Variants in RHEX observed in about 807,000 individuals in gnomAD.
RHEX encodes regulator of hemoglobinization and erythroid cell expansion protein.
In RHEX, 18 loss-of-function variants were observed where a neutral mutation model predicts 20.1. That is an observed-to-expected ratio of 0.90 (90% CI 0.62 to 1.33). The LOEUF (loss-of-function observed/expected upper bound fraction) is 1.33. Among genes scored for constraint, RHEX ranks in the 40% most tolerant of loss-of-function variants. The probability of loss-of-function intolerance (pLI) is 0.00; values close to 1 mark genes in which losing one functional copy is unlikely to be tolerated. For missense variants in RHEX, 192 were observed against 214.3 expected (o/e 0.90, Z 0.65); for synonymous variants, 87 against 77.1 (o/e 1.13, Z -0.67).
At chr1:206,093,330 G>A (rs1662996966) in intron 1 of RHEX, among the ~76,000 whole-genome samples, 1 of 150,598 alleles carries the variant, frequency 6.6e-6, no homozygotes, top group Non-Finnish European at 1.5e-5. Context: ...GGAGTACAGT[G>A]GCGTGATCTC....
intron 1 of RHEX, among the ~76,000 whole-genome samples, chr1:206,075,439 G>A (rs1387574864): frequency 1.3e-5 from 2 of 152,150 alleles, no homozygotes; most frequent in African/African-American, 2.4e-5. Context: ...GAAAATTGAA[G>A]ACAACTGTGA....
chr1:206,095,410 A>C (rs1387743170), intron 1 of RHEX, among the ~76,000 whole-genome samples: 1 of 152,204 alleles, frequency 6.6e-6, no homozygotes, highest in Non-Finnish European at 1.5e-5. Flanking sequence ...AATCTGTATG[A>C]TTCCATGTTT....
At chr1:206,076,177 C>G (rs1553285211) in intron 1 of RHEX, among the ~76,000 whole-genome samples, 1 of 150,368 alleles carries the variant, frequency 6.7e-6, no homozygotes, top group African/African-American at 2.5e-5. Flanking sequence ...TTTAATGAGA[C>G]AGGGTTTTGC....
chr1:206,101,503 T>C (rs1663185701), intron 5 of RHEX, among the ~76,000 whole-genome samples: 1 of 152,174 alleles, frequency 6.6e-6, no homozygotes, highest in East Asian at 1.9e-4. Flanking sequence ...CTCCCTTGAA[T>C]TGAGTCTCAG....
chr1:206,071,941 A>G (rs1662544685), intron 1 of RHEX, among the ~76,000 whole-genome samples: 1 of 152,162 alleles, frequency 6.6e-6, no homozygotes, highest in Non-Finnish European at 1.5e-5. Flanking sequence ...ATTATTTCCC[A>G]TTGGTCAGTT....
chr1:206,085,478 T>C (rs1662821122), intron 1 of RHEX, among the ~76,000 whole-genome samples: 1 of 152,260 alleles, frequency 6.6e-6, no homozygotes, highest in Admixed American at 6.5e-5. Flanking sequence ...CCATGAATAC[T>C]GCTTGAGTAG....
At chr1:206,057,304 G>A (rs1057414511) in intron 1 of RHEX, among the ~76,000 whole-genome samples, 29 of 152,364 alleles carry the variant, frequency 1.9e-4, no homozygotes, top group Middle Eastern at 3.4e-3. Flanking sequence ...CTATAGACCC[G>A]GTTCCTGATG....
In RHEX at chr1:206,057,848, C is replaced by A. The variant is rs35901442; in HGVS notation, c.-97+4583C>A. Among the ~76,000 whole-genome samples, 141 of 152,362 alleles carry A rather than the reference C, an allele frequency of 9.3e-4. No homozygotes were observed. In the East Asian group the frequency reaches 9.8e-3, roughly 11 times the overall value. On this transcript the variant is annotated intron_variant, in intron 1 of 5. Coordinates refer to ENST00000331555, the MANE Select transcript of RHEX (RefSeq NM_001007544.4). ...CAAGATGTCTCATGGGGATATGGAACCCCCATCTACATGCTCAACCGAATC... is the reference window on the plus strand; with the variant it reads ...CAAGATGTCTCATGGGGATATGGAAACCCCATCTACATGCTCAACCGAATC...
chr1:206,101,700 C>G, intron 5 of RHEX, 52 bp from the exon 6 acceptor site: 1 of 1,391,112 alleles, frequency 7.2e-7, no homozygotes, highest in Non-Finnish European at 1.0e-6. Flanking sequence ...GGTCTTATTT[C>G]CCCCAAACGT....
intron 1 of RHEX, among the ~76,000 whole-genome samples, chr1:206,094,817 G>A (rs1553287484): frequency 2.0e-5 from 3 of 152,142 alleles, no homozygotes; most frequent in Non-Finnish European, 2.9e-5. Flanking sequence ...CAAAGTGTAC[G>A]CTCTGAGTAT....
chr1:206,082,149 A>G (rs148817165), intron 1 of RHEX, among the ~76,000 whole-genome samples: 1 of 152,310 alleles, frequency 6.6e-6, no homozygotes, highest in African/African-American at 2.4e-5. Flanking sequence ...GAGCTGTGAT[A>G]CATCAACGGG....
chr1:206,064,437 T>G (rs1270646399), intron 1 of RHEX, among the ~76,000 whole-genome samples: 33 of 40,252 alleles, frequency 8.2e-4, no homozygotes, highest in Admixed American at 1.8e-3. Context: ...GGGAGGGAGG[T>G]GGGGGGGTCA....
At chr1:206,093,362 C>G (rs888072016) in intron 1 of RHEX, among the ~76,000 whole-genome samples, 1 of 151,774 alleles carries the variant, frequency 6.6e-6, no homozygotes, top group Non-Finnish European at 1.5e-5. Context: ...ACCTCCGCTT[C>G]CTGGGTTCAA....
chr1:206,088,473 A>G (rs140091231), intron 1 of RHEX, among the ~76,000 whole-genome samples: 2,185 of 152,304 alleles, frequency 0.014, 58 homozygotes, highest in Admixed American at 0.071. Flanking sequence ...ACTTGAGGCC[A>G]GGAGTTCGAG....
chr1:206,056,113 C>G (rs914320969), intron 1 of RHEX, among the ~76,000 whole-genome samples: 9 of 152,266 alleles, frequency 5.9e-5, no homozygotes, highest in Non-Finnish European at 1.3e-4. Context: ...CACCTAAACC[C>G]CGCCACCTTC....
At chr1:206,070,889 G>C (rs1228930859) in intron 1 of RHEX, among the ~76,000 whole-genome samples, 1 of 152,030 alleles carries the variant, frequency 6.6e-6, no homozygotes, top group Non-Finnish European at 1.5e-5. Context: ...ATAAGTCCAG[G>C]CTTTCTCACC....
chr1:206,096,016 G>A (rs1663059547), intron 1 of RHEX, among the ~76,000 whole-genome samples: 1 of 152,072 alleles, frequency 6.6e-6, no homozygotes, highest in South Asian at 2.1e-4. Context: ...TGTTTTTAGA[G>A]ATGGGGTCTT....
chr1:206,083,660 G>A (rs1662779641), intron 1 of RHEX: 15 of 983,642 alleles, frequency 1.5e-5, no homozygotes, highest in Non-Finnish European at 1.8e-5. Context: ...GGTAAGTACT[G>A]TCTATGGAGA....
chr1:206,060,093 A>G (rs1467532117), intron 1 of RHEX, among the ~76,000 whole-genome samples: 2 of 152,200 alleles, frequency 1.3e-5, no homozygotes, highest in African/African-American at 4.8e-5. Context: ...GTATGAACAC[A>G]CGACTTAAAG....
Sources: gnomAD v4.1 joint callset for allele counts (sites outside exome capture counted in the v4.1 genomes callset) on GRCh38, gnomAD v4.1.1 for gene constraint, MANE v1.5 for transcripts, NCBI Gene and HGNC (gene_info 2026-07-23, HGNC 2026-07-21) for gene names.